The following ARFIP1 variants were observed in gnomAD, a reference collection of about 807,000 sequenced individuals.
ARFIP1 encodes arfaptin-1.
Under a neutral mutation model 42.5 loss-of-function variants are expected in ARFIP1, and 24 were observed. The observed-to-expected ratio is 0.57, with a 90% CI of 0.41 to 0.80. ARFIP1 has a LOEUF of 0.80. Ranked by LOEUF, ARFIP1 falls within the 30% of genes least tolerant of loss-of-function variation. ARFIP1 has a pLI of 0.00. For missense variants in ARFIP1, 354 were observed against 434.0 expected (o/e 0.82, Z 1.64); for synonymous variants, 141 against 153.7 (o/e 0.92, Z 0.61).
intron 1 of ARFIP1, among the ~76,000 whole-genome samples, chr4:152,811,330 G>A (rs1394683342): frequency 6.6e-6 from 1 of 152,042 alleles, no homozygotes; most frequent in African/African-American, 2.4e-5. Context: ...CTGTTATATT[G>A]TACAGCTGGG....
intron 1 of ARFIP1, among the ~76,000 whole-genome samples, chr4:152,815,317 A>G (rs554151645): frequency 6.6e-6 from 1 of 152,296 alleles, no homozygotes; most frequent in South Asian, 2.1e-4. Flanking sequence ...CTTATGGCCC[A>G]CAGAGCTTTA....
intron 7 of ARFIP1, among the ~76,000 whole-genome samples, chr4:152,887,465 A>G (rs550228323): frequency 1.3e-5 from 2 of 152,158 alleles, no homozygotes; most frequent in East Asian, 3.9e-4. Flanking sequence ...CTGAATTGAG[A>G]TGGGATAGAA....
rs58428402 is a variant in ARFIP1 at position 152,889,536 on chromosome 4, C to CAT, written c.966+1230_966+1231insTA. On this transcript the variant is annotated intron_variant, in intron 8 of 8. Coordinates refer to ENST00000353617, the MANE Select transcript of ARFIP1 (RefSeq NM_001025595.3). Reference sequence around the variant, plus strand: ...ATATATATATATATATATATATATACACCTATTTTTGTGTGTGTGTGTATA... The same window carrying CAT: ...ATATATATATATATATATATATATACATACCTATTTTTGTGTGTGTGTGTATA... Among the ~76,000 whole-genome samples the CAT allele has an allele frequency of 2.5e-3, 121 of 47,540 alleles. 8 individuals carry two copies. The highest frequency in any genetic ancestry group is 7.5e-3 in the Admixed American group (21 of 2,794). 31.2% of individuals were successfully genotyped at this position (47,540 alleles called of 152,430 possible).
intron 5 of ARFIP1, among the ~76,000 whole-genome samples, chr4:152,879,342 A>C (rs1735633936): frequency 6.6e-6 from 1 of 152,198 alleles, no homozygotes; most frequent in Non-Finnish European, 1.5e-5. Context: ...TATATAGCAT[A>C]ATCTCATGTT....
intron 6 of ARFIP1, 141 bp from the exon 7 acceptor site, chr4:152,882,580 TAA>T (rs1735931816): frequency 1.1e-6 from 1 of 905,858 alleles, no homozygotes; most frequent in Non-Finnish European, 1.6e-6. Flanking sequence ...TTTCGATTCT[TAA>T]AGACGGAAAG....
chr4:152,791,379 A>G (rs769264944), intron 1 of ARFIP1, among the ~76,000 whole-genome samples: 25 of 152,164 alleles, frequency 1.6e-4, no homozygotes, highest in Non-Finnish European at 2.8e-4. Flanking sequence ...GATATTTTCA[A>G]CTCTGAACAT....
intron 8 of ARFIP1, among the ~76,000 whole-genome samples, chr4:152,890,403 T>A (rs1188951334): frequency 6.6e-6 from 1 of 152,184 alleles, no homozygotes; most frequent in African/African-American, 2.4e-5. Context: ...TTTTATCTTG[T>A]AAATATTGAA....
intron 4 of ARFIP1, among the ~76,000 whole-genome samples, 194 bp downstream of exon 4, chr4:152,871,042 G>A (rs369915661): frequency 2.0e-5 from 3 of 151,926 alleles, no homozygotes; most frequent in Admixed American, 6.5e-5. Flanking sequence ...AGAATAATTC[G>A]GCTGTATCTC....
intron 1 of ARFIP1, chr4:152,810,286 T>C (rs1028926048): frequency 6.6e-6 from 1 of 152,354 alleles, no homozygotes; most frequent in Admixed American, 6.5e-5. Flanking sequence ...TGGTAAATTT[T>C]CAAGAATTTG....
At position 152,910,407 on chromosome 4, in the gene ARFIP1, A is replaced by G. The variant is rs1579063855; in HGVS notation, c.*188A>G. 3 of 594,878 alleles carry G rather than the reference A, an allele frequency of 5.0e-6. No individual in the cohort carries two copies. The highest frequency in any genetic ancestry group is 3.2e-5 in the East Asian group (1 of 31,362). 36.8% of individuals were successfully genotyped at this position (594,878 alleles called of 1,614,324 possible). A position where few individuals can be genotyped will look rare whatever the true frequency, so the allele number is the denominator to read the frequency against. ...TGTTAAGGGTGGTTTTAATGTAAACATAGTTTCTATAATCTGAACACAATA... is the reference window on the plus strand; with the variant it reads ...TGTTAAGGGTGGTTTTAATGTAAACGTAGTTTCTATAATCTGAACACAATA... On this transcript the variant is annotated 3_prime_UTR_variant, in exon 9 of 9. Coordinates refer to ENST00000353617, the MANE Select transcript of ARFIP1 (RefSeq NM_001025595.3).
rs188392530 is a variant in ARFIP1, at chr4:152,800,820, T to C, written c.-10+20594T>C. The stretch of plus-strand genomic sequence containing the variant: ...AATTTAAATGAAATAAAATGCAGAA[T>C]AATAATTCCTTTAGCGTGGTACAAG... On this transcript the variant is annotated intron_variant, in intron 1 of 8. Coordinates refer to ENST00000353617, the MANE Select transcript of ARFIP1 (RefSeq NM_001025595.3). 3.8e-3 allele frequency among the ~76,000 whole-genome samples: 574 copies of C among 152,272 alleles called. 2 individuals are homozygous for C. Among genetic ancestry groups the C allele is most frequent in the Middle Eastern group, 0.01 (3 of 294 alleles).
chr4:152,835,765 TA>T (rs1040987889), intron 2 of ARFIP1, among the ~76,000 whole-genome samples: 1 of 152,018 alleles, frequency 6.6e-6, no homozygotes. Flanking sequence ...GGGTAATTTA[TA>T]AAAAAAAGAG....
intron 5 of ARFIP1, among the ~76,000 whole-genome samples, chr4:152,873,461 T>G (rs982260627): frequency 6.6e-6 from 1 of 152,204 alleles, no homozygotes; most frequent in African/African-American, 2.4e-5. Flanking sequence ...CCCTGAAACA[T>G]GTTACATGAA....
At chr4:152,881,797 CCTG>C (rs1735870402) in intron 6 of ARFIP1, among the ~76,000 whole-genome samples, 1 of 152,076 alleles carries the variant, frequency 6.6e-6, no homozygotes, top group African/African-American at 2.4e-5. Flanking sequence ...ATTTTACTTT[CCTG>C]CTATTTTCTG....
intron 2 of ARFIP1, among the ~76,000 whole-genome samples, chr4:152,857,930 G>A (rs996351104): frequency 6.6e-6 from 1 of 152,074 alleles, no homozygotes; most frequent in South Asian, 2.1e-4. Flanking sequence ...TTTCACTGCC[G>A]TGTCAGTAGT....
At chr4:152,872,663 A>G (rs1214591998) in intron 5 of ARFIP1, 99 bp downstream of exon 5, 1 of 592,708 alleles carries the variant, frequency 1.7e-6, no homozygotes, top group African/African-American at 2.0e-5. Flanking sequence ...CACATAGAGA[A>G]GAGAAAATGC....
chr4:152,884,921 G>A (rs1462293770), intron 7 of ARFIP1, among the ~76,000 whole-genome samples: 1 of 151,978 alleles, frequency 6.6e-6, no homozygotes, highest in Non-Finnish European at 1.5e-5. Flanking sequence ...TGTACTTGGT[G>A]GCTGGTTTCT....
chr4:152,785,952 G>A (rs1219856582), intron 1 of ARFIP1, among the ~76,000 whole-genome samples: 1 of 152,186 alleles, frequency 6.6e-6, no homozygotes, highest in African/African-American at 2.4e-5. Context: ...GGCCAGCCCT[G>A]ATAAAACTTT....
chr4:152,906,484 T>C (rs1208711658), intron 8 of ARFIP1, among the ~76,000 whole-genome samples: 1 of 152,226 alleles, frequency 6.6e-6, no homozygotes, highest in Non-Finnish European at 1.5e-5. Flanking sequence ...TCTTGATCTG[T>C]TGTCAGATTC....
Sources: allele counts gnomAD v4.1 joint callset (sites outside exome capture counted in the v4.1 genomes callset), GRCh38; gene constraint gnomAD v4.1.1; transcripts MANE v1.5; gene names NCBI Gene and HGNC (gene_info 2026-07-23, HGNC 2026-07-21).